ZNF618: variants seen among roughly 807,000 people sequenced by gnomAD.
The protein encoded by ZNF618 is neural precursor cell expressed, developmentally down-regulated 10.
In ZNF618, 34 loss-of-function variants were observed where a neutral mutation model predicts 103.0. The observed-to-expected ratio is 0.33, with a 90% confidence interval of 0.25 to 0.44. ZNF618 has a LOEUF of 0.44. Among genes scored for constraint, ZNF618 ranks in the 20% least tolerant of loss-of-function variants. ZNF618 has a pLI of 1.00. For synonymous variants in ZNF618, 551 were observed against 542.2 expected (o/e 1.02, Z -0.23); for missense variants, 1,059 against 1,295.4 (o/e 0.82, Z 2.80).
At chr9:114,041,040 G>T (rs1845130297) in intron 13 of ZNF618, among the ~76,000 whole-genome samples, 1 of 152,170 alleles carries the variant, frequency 6.6e-6, no homozygotes, top group Non-Finnish European at 1.5e-5. Flanking sequence ...GTGTGAGATG[G>T]TATCTCATTG....
At chr9:113,940,122 C>CAA (rs34493466) in intron 1 of ZNF618, among the ~76,000 whole-genome samples, 4 of 149,568 alleles carry the variant, frequency 2.7e-5, no homozygotes, top group African/African-American at 4.9e-5. Flanking sequence ...TTTAATTTCT[C>CAA]AAAAAAAAAA....
intron 1 of ZNF618, among the ~76,000 whole-genome samples, chr9:113,913,030 C>T (rs1831702064): frequency 1.3e-5 from 2 of 152,100 alleles, no homozygotes; most frequent in Non-Finnish European, 2.9e-5. Flanking sequence ...TGGACAGTTT[C>T]CAGGGGCAGC....
intron 2 of ZNF618, among the ~76,000 whole-genome samples, chr9:113,983,685 C>G (rs1257823301): frequency 1.3e-5 from 2 of 152,148 alleles, no homozygotes; most frequent in Non-Finnish European, 2.9e-5. Flanking sequence ...ACTCTCAGCT[C>G]CAGGTGTTAA....
chr9:113,966,947 G>GTATC (rs1242471638), intron 1 of ZNF618, among the ~76,000 whole-genome samples: 2 of 152,238 alleles, frequency 1.3e-5, no homozygotes, highest in Non-Finnish European at 2.9e-5. Flanking sequence ...CGAAGCTGAA[G>GTATC]TATCATTCAC....
At chr9:113,912,933 C>T (rs1831688767) in intron 1 of ZNF618, among the ~76,000 whole-genome samples, 1 of 152,114 alleles carries the variant, frequency 6.6e-6, no homozygotes, top group Non-Finnish European at 1.5e-5. Flanking sequence ...GAACCTTGGG[C>T]CTTCAAGAAA....
intron 1 of ZNF618, among the ~76,000 whole-genome samples, chr9:113,961,183 T>C (rs1836812042): frequency 6.6e-6 from 1 of 152,194 alleles, no homozygotes. Context: ...TGAAGTCTGT[T>C]GGATCCTCTT....
At chr9:113,959,031 G>A (rs1043210634) in intron 1 of ZNF618, among the ~76,000 whole-genome samples, 14 of 152,228 alleles carry the variant, frequency 9.2e-5, no homozygotes, top group African/African-American at 3.4e-4. Flanking sequence ...GCTCATGCCT[G>A]TAAATCCCAG....
intron 1 of ZNF618, among the ~76,000 whole-genome samples, chr9:113,955,376 G>C (rs1836182711): frequency 6.7e-6 from 1 of 149,912 alleles, no homozygotes; most frequent in African/African-American, 2.5e-5. Flanking sequence ...AGATTTCTCA[G>C]CAGGCACCCA....
At chr9:113,969,070 G>A in intron 1 of ZNF618, 47 bp from the exon 2 acceptor site, 1 of 1,611,108 alleles carries the variant, frequency 6.2e-7, no homozygotes, top group Middle Eastern at 1.6e-4. Context: ...GGTCAAATCT[G>A]CATCTTCTGC....
intron 2 of ZNF618, among the ~76,000 whole-genome samples, chr9:113,973,983 G>A (rs1235506200): frequency 6.6e-6 from 1 of 152,182 alleles, no homozygotes; most frequent in African/African-American, 2.4e-5. Flanking sequence ...TCTCATCCAT[G>A]CATTCCACAA....
At chr9:113,916,177 A>G (rs1832062617) in intron 1 of ZNF618, among the ~76,000 whole-genome samples, 1 of 152,126 alleles carries the variant, frequency 6.6e-6, no homozygotes, top group African/African-American at 2.4e-5. Context: ...AGCTCTGTGA[A>G]ATATTGATCA....
chr9:114,048,531 G>A, intron 14 of ZNF618, 120 bp from the exon 15 acceptor site: 1 of 1,079,566 alleles, frequency 9.3e-7, no homozygotes, highest in Non-Finnish European at 1.3e-6. Context: ...ACCCATGTGT[G>A]TGCAAGAGGA....
intron 3 of ZNF618, among the ~76,000 whole-genome samples, chr9:113,997,712 G>T (rs931938792): frequency 6.6e-6 from 1 of 152,212 alleles, no homozygotes; most frequent in Admixed American, 6.5e-5. Flanking sequence ...TGGAAACATT[G>T]CAGATGAAGT....
intron 1 of ZNF618, among the ~76,000 whole-genome samples, chr9:113,965,713 T>C (rs1837334535): frequency 1.3e-5 from 2 of 152,194 alleles, no homozygotes; most frequent in Non-Finnish European, 2.9e-5. Flanking sequence ...GGAACGAGCT[T>C]GTCTGAGGTT....
chr9:113,979,288 G>C (rs1262327285), intron 2 of ZNF618, among the ~76,000 whole-genome samples: 1 of 152,194 alleles, frequency 6.6e-6, no homozygotes, highest in Non-Finnish European at 1.5e-5. Flanking sequence ...AGTGTATGCT[G>C]ATTGGTGGTC....
chr9:113,949,391 C>A (rs1235232723), intron 1 of ZNF618, among the ~76,000 whole-genome samples: 1 of 152,156 alleles, frequency 6.6e-6, no homozygotes, highest in Non-Finnish European at 1.5e-5. Context: ...CCCTCCAGAC[C>A]CCTGTCCTCT....
chr9:113,886,803 G>C (rs1352014867), intron 1 of ZNF618, among the ~76,000 whole-genome samples: 1 of 151,952 alleles, frequency 6.6e-6, no homozygotes, highest in Non-Finnish European at 1.5e-5. Flanking sequence ...GCTAGGAGTA[G>C]TTGAAATGTG....
At chr9:113,942,875 A>G (rs138789973) in intron 1 of ZNF618, among the ~76,000 whole-genome samples, 19 of 152,340 alleles carry the variant, frequency 1.2e-4, no homozygotes, top group East Asian at 3.9e-4. Flanking sequence ...AGAAAGAGCT[A>G]TTTAGGTGGT....
intron 1 of ZNF618, among the ~76,000 whole-genome samples, chr9:113,892,469 T>C (rs557974675): frequency 3.3e-5 from 5 of 152,216 alleles, no homozygotes; most frequent in Non-Finnish European, 7.3e-5. Context: ...GAGGGCTGCC[T>C]GTATACTTAA....
Sources: allele counts gnomAD v4.1 joint callset (sites outside exome capture counted in the v4.1 genomes callset), GRCh38; gene constraint gnomAD v4.1.1; transcripts MANE v1.5; gene names NCBI Gene and HGNC (gene_info 2026-07-23, HGNC 2026-07-21).